NRF1: variants seen among roughly 807,000 people sequenced by gnomAD.
NRF1 encodes nuclear respiratory factor 1.
In NRF1, 5 loss-of-function variants were observed where a neutral mutation model predicts 58.5. That is an observed-to-expected ratio of 0.09 (90% confidence interval 0.04 to 0.18). The LOEUF (loss-of-function observed/expected upper bound fraction) is 0.18. Ranked by LOEUF, NRF1 falls within the 10% of genes least tolerant of loss-of-function variation. NRF1 has a pLI of 1.00. For missense variants in NRF1, 288 were observed against 657.7 expected (o/e 0.44, Z 6.15); for synonymous variants, 224 against 246.7 (o/e 0.91, Z 0.86).
intron 10 of NRF1, among the ~76,000 whole-genome samples, chr7:129,745,651 T>G (rs1351716280): frequency 1.3e-5 from 2 of 152,150 alleles, no homozygotes; most frequent in Non-Finnish European, 2.9e-5. Flanking sequence ...GTTTAAAGCC[T>G]TCTTGGCAGG....
At chr7:129,619,476 GTGTGTGTGTGTGTGTATATA>G (rs1800737466) in intron 1 of NRF1, among the ~76,000 whole-genome samples, 1 of 28,846 alleles carries the variant, frequency 3.5e-5, no homozygotes, top group Non-Finnish European at 9.5e-5. Context: ...GTGTGTGTGT[GTGTGTGTGTGTGTGTATATA>G]TATATATATA....
intron 5 of NRF1, 142 bp from the exon 6 acceptor site, chr7:129,708,933 G>A (rs1803010530): frequency 3.3e-6 from 2 of 601,964 alleles, no homozygotes; most frequent in African/African-American, 1.9e-5. Flanking sequence ...ATGGAAAACA[G>A]TGGGTTTTCA....
chr7:129,674,281 G>C (rs1286421334), intron 3 of NRF1, among the ~76,000 whole-genome samples: 1 of 152,020 alleles, frequency 6.6e-6, no homozygotes, highest in African/African-American at 2.4e-5. Context: ...TGCAGGTTTG[G>C]TTCCAGACCA....
At chr7:129,705,908 T>C (rs939155756) in intron 5 of NRF1, among the ~76,000 whole-genome samples, 1 of 151,740 alleles carries the variant, frequency 6.6e-6, no homozygotes, top group Non-Finnish European at 1.5e-5. Context: ...GCCACTGCAC[T>C]CCAGCCTGGG....
intron 4 of NRF1, among the ~76,000 whole-genome samples, chr7:129,684,814 T>C (rs1380746836): frequency 3.3e-5 from 5 of 152,190 alleles, no homozygotes; most frequent in African/African-American, 1.2e-4. Flanking sequence ...TTTAACACTA[T>C]TGGATACAAG....
chr7:129,747,033 C>T lies in NRF1; in HGVS notation c.1349-7985C>T, dbSNP rs1440514870. 2.0e-5 allele frequency among the ~76,000 whole-genome samples: 3 copies of T among 152,158 alleles called. No individual in the cohort carries two copies. In the East Asian group the frequency reaches 5.8e-4, roughly 29 times the overall value. On this transcript the variant is annotated intron_variant, in intron 10 of 10. Transcript: ENST00000393232. ...GGTTGTCTGTCCTGCTCTATCTTGT[C>T]GTGGGGTGAGGGGAGGAGGGCCAGC...
At chr7:129,631,709 A>G (rs540892650) in intron 1 of NRF1, among the ~76,000 whole-genome samples, 7 of 152,336 alleles carry the variant, frequency 4.6e-5, no homozygotes, top group African/African-American at 1.7e-4. Flanking sequence ...TCAGAAATTA[A>G]TTCTATTTTT....
chr7:129,682,183 G>T (rs1172539333), intron 4 of NRF1, among the ~76,000 whole-genome samples: 1 of 151,908 alleles, frequency 6.6e-6, no homozygotes, highest in East Asian at 1.9e-4. Context: ...ACCATGGGGG[G>T]GCATGGTGGC....
intron 1 of NRF1, among the ~76,000 whole-genome samples, chr7:129,623,681 G>A (rs150008207): frequency 2.0e-5 from 3 of 152,136 alleles, no homozygotes; most frequent in African/African-American, 7.2e-5. Context: ...ATACAAAATG[G>A]AAAGCAAATC....
At chr7:129,693,889 G>C (rs1802626980) in intron 5 of NRF1, among the ~76,000 whole-genome samples, 1 of 152,124 alleles carries the variant, frequency 6.6e-6, no homozygotes, top group Admixed American at 6.5e-5. Context: ...GTCACATTTG[G>C]TGTGTTAGGG....
At chr7:129,728,531 T>C (rs1017036200) in intron 10 of NRF1, among the ~76,000 whole-genome samples, 1 of 151,572 alleles carries the variant, frequency 6.6e-6, no homozygotes, top group South Asian at 2.1e-4. Flanking sequence ...TAACATACTT[T>C]CATCATGTAG....
chr7:129,748,274 C>CAAA (rs10655886), intron 10 of NRF1, among the ~76,000 whole-genome samples: 21,634 of 77,072 alleles, frequency 0.28, 3,997 homozygotes, highest in East Asian at 0.52. Flanking sequence ...GACTCCGTCT[C>CAAA]AAAAAAAAAA....
At chr7:129,685,609 AAAAT>A (rs1802428011) in intron 4 of NRF1, among the ~76,000 whole-genome samples, 3 of 144,028 alleles carry the variant, frequency 2.1e-5, no homozygotes, top group Admixed American at 7.0e-5. Context: ...GTGTGTATGA[AAAAT>A]AAGCAAAAGA....
At chr7:129,688,661 AG>A (rs752651174) in intron 4 of NRF1, among the ~76,000 whole-genome samples, 1 of 151,860 alleles carries the variant, frequency 6.6e-6, no homozygotes, top group Non-Finnish European at 1.5e-5. Context: ...AGGGGAAGCA[AG>A]GCACGTCTTA....
chr7:129,723,625 T>G (rs1225842413), intron 9 of NRF1, among the ~76,000 whole-genome samples: 3 of 152,154 alleles, frequency 2.0e-5, no homozygotes, highest in African/African-American at 7.2e-5. Flanking sequence ...AAGAACAGTC[T>G]TAGTAGTAAT....
intron 1 of NRF1, among the ~76,000 whole-genome samples, chr7:129,652,897 A>T: frequency 6.6e-6 from 1 of 152,226 alleles, no homozygotes; most frequent in Non-Finnish European, 1.5e-5. Flanking sequence ...CGGCCAGATT[A>T]GTCACTTCTT....
intron 2 of NRF1, among the ~76,000 whole-genome samples, chr7:129,662,346 A>G (rs183688632): frequency 1.9e-4 from 29 of 151,692 alleles, no homozygotes; most frequent in Admixed American, 1.5e-3. Context: ...CAAAACTACT[A>G]ACCAAGTGTT....
At chr7:129,727,475 T>A (rs1803476109) in intron 10 of NRF1, 110 bp downstream of exon 10, 1 of 1,118,436 alleles carries the variant, frequency 8.9e-7, no homozygotes. Flanking sequence ...GATTTTTTTT[T>A]CTTCATTGGT....
intron 5 of NRF1, 136 bp downstream of exon 5, chr7:129,690,682 C>A (rs1047622414): frequency 5.8e-5 from 51 of 875,458 alleles, no homozygotes; most frequent in Admixed American, 8.1e-5. Context: ...TGTAGTGAAA[C>A]AGTAGCAGCC....
Sources: allele counts gnomAD v4.1 joint callset (sites outside exome capture counted in the v4.1 genomes callset), GRCh38; gene constraint gnomAD v4.1.1; transcripts MANE v1.5; gene names NCBI Gene and HGNC (gene_info 2026-07-23, HGNC 2026-07-21).